Variants in ERC2 observed in about 807,000 individuals in gnomAD.
ERC2 encodes ERC protein 2.
Under a neutral mutation model 114.8 loss-of-function variants are expected in ERC2, and 42 were observed. That is an observed-to-expected ratio of 0.37 (90% CI 0.29 to 0.47). The LOEUF is 0.47. Ranked by LOEUF, ERC2 falls within the 20% of genes least tolerant of loss-of-function variation. The pLI, the probability that ERC2 is intolerant of heterozygous loss-of-function variation, is 0.99. For synonymous variants in ERC2, 454 were observed against 425.5 expected, an observed-to-expected ratio of 1.07 and a Z score of -0.82; for missense variants, 939 against 1,150.7, an observed-to-expected ratio of 0.82 and a Z score of 2.66.
chr3:56,074,919 G>A (rs1311048313), intron 7 of ERC2, among the ~76,000 whole-genome samples: 3 of 152,130 alleles, frequency 2.0e-5, no homozygotes, highest in Non-Finnish European at 4.4e-5. Flanking sequence ...TTGAGAATTT[G>A]CTGAGCTCAT....
intron 17 of ERC2, chr3:55,613,069 A>G (rs1164164018): frequency 2.0e-5 from 3 of 152,258 alleles, no homozygotes; most frequent in Non-Finnish European, 4.4e-5. Context: ...ATGAAAGTGC[A>G]TGTCTAGAAA....
chr3:56,455,193 T>C (rs1319535978), intron 1 of ERC2, among the ~76,000 whole-genome samples: 4 of 151,782 alleles, frequency 2.6e-5, no homozygotes, highest in Non-Finnish European at 5.9e-5. Context: ...GTTACAATGG[T>C]AAATTTTATG....
At chr3:55,882,119 T>C (rs2063144415) in intron 14 of ERC2, among the ~76,000 whole-genome samples, 1 of 152,188 alleles carries the variant, frequency 6.6e-6, no homozygotes, top group South Asian at 2.1e-4. Flanking sequence ...TTGAATAGAT[T>C]AATGCCCTCT....
chr3:55,900,297 A>G (rs1295204002), intron 13 of ERC2, among the ~76,000 whole-genome samples: 2 of 152,134 alleles, frequency 1.3e-5, no homozygotes, highest in African/African-American at 4.8e-5. Context: ...TTTGTTTAGT[A>G]TTGTCCGATT....
At chr3:55,768,215 T>A (rs1406347907) in intron 14 of ERC2, among the ~76,000 whole-genome samples, 1 of 152,254 alleles carries the variant, frequency 6.6e-6, no homozygotes, top group Admixed American at 6.5e-5. Flanking sequence ...TTTAGGTATT[T>A]GTTTATAGCA....
At chr3:55,969,436 C>CACACACACACA (rs1466816308) in intron 12 of ERC2, among the ~76,000 whole-genome samples, 1 of 144,004 alleles carries the variant, frequency 6.9e-6, no homozygotes. Flanking sequence ...CACACACACA[C>CACACACACACA]CCTTCACCAC....
chr3:55,875,724 A>ACACACTCTCTCT (rs1491351730), intron 14 of ERC2, among the ~76,000 whole-genome samples: 1 of 141,024 alleles, frequency 7.1e-6, no homozygotes, highest in African/African-American at 2.8e-5. Flanking sequence ...ACACACACAC[A>ACACACTCTCTCT]CTCTCTCTCT....
At chr3:55,749,772 G>A (rs2066555028) in intron 14 of ERC2, among the ~76,000 whole-genome samples, 3 of 152,130 alleles carry the variant, frequency 2.0e-5, no homozygotes, top group Non-Finnish European at 2.9e-5. Flanking sequence ...CCCCTTCCAC[G>A]CTGTGGAAGC....
chr3:55,747,133 T>A (rs1053901428), intron 14 of ERC2, among the ~76,000 whole-genome samples: 2 of 152,238 alleles, frequency 1.3e-5, no homozygotes, highest in East Asian at 3.9e-4. Flanking sequence ...GGGAGAGAGA[T>A]CCATGATTCA....
At chr3:56,351,011 T>G (rs1033933696) in intron 2 of ERC2, among the ~76,000 whole-genome samples, 4 of 152,166 alleles carry the variant, frequency 2.6e-5, no homozygotes, top group Non-Finnish European at 5.9e-5. Flanking sequence ...TAGCCAGAAT[T>G]GAACTTCAGG....
intron 17 of ERC2, among the ~76,000 whole-genome samples, chr3:55,597,039 A>G (rs2058171275): frequency 1.3e-5 from 2 of 152,230 alleles, no homozygotes; most frequent in South Asian, 4.1e-4. Context: ...TTTATAAAAA[A>G]ATTGAACATG....
intron 1 of ERC2, among the ~76,000 whole-genome samples, chr3:56,449,213 C>T (rs987835952): frequency 6.6e-6 from 1 of 152,120 alleles, no homozygotes; most frequent in Non-Finnish European, 1.5e-5. Context: ...TGGCTTACCC[C>T]CAAGAAGATG....
At chr3:56,155,421 T>C (rs2149971825) in intron 4 of ERC2, among the ~76,000 whole-genome samples, 2 of 151,560 alleles carry the variant, frequency 1.3e-5, no homozygotes, top group South Asian at 4.2e-4. Flanking sequence ...TTTGATATCA[T>C]GTATTGAGAA....
chr3:55,680,121 C>T (rs1397283805), intron 17 of ERC2, among the ~76,000 whole-genome samples: 1 of 152,208 alleles, frequency 6.6e-6, no homozygotes, highest in African/African-American at 2.4e-5. Context: ...CAGACAGCTA[C>T]AATTCTTCAT....
chr3:56,324,742 G>A (rs2057282048), intron 2 of ERC2, among the ~76,000 whole-genome samples: 1 of 152,080 alleles, frequency 6.6e-6, no homozygotes, highest in Non-Finnish European at 1.5e-5. Flanking sequence ...CCTGCAGGAA[G>A]GGTAAAATTA....
In ERC2 at chr3:56,149,131, T is replaced by C; in HGVS notation, c.1151A>G (p.Asp384Gly). The change falls in exon 5 of 18, where the codon GAC (aspartate) becomes GGC (glycine). Residue 384 changes from aspartate to glycine, a missense_variant and splice_region_variant. By Grantham distance (94) the Asp-to-Gly change is moderately conservative. This residue lies in a region of ERC2 where 148 missense variants were observed against 159.1 expected (regional missense o/e 0.93). Transcript: ENST00000288221. ...KALQTVIEMK[D>G]TKIASLERNI... is the part of the protein sequence containing the mutation. Reference sequence around the variant, plus strand: ...TCGTTCCAATGAAGCGATTTTTGTGTCCTGTTGGTAAAGAAGAAAAGAAAA... The same window carrying C: ...TCGTTCCAATGAAGCGATTTTTGTGCCCTGTTGGTAAAGAAGAAAAGAAAA... 6.3e-7 allele frequency: 1 copy of C among 1,599,296 alleles called. No homozygotes were observed. Among genetic ancestry groups the C allele is most frequent in the Non-Finnish European group, 8.5e-7 (1 of 1,174,346 alleles).
At chr3:55,995,568 C>T (rs1441763786) in intron 10 of ERC2, among the ~76,000 whole-genome samples, 3 of 152,010 alleles carry the variant, frequency 2.0e-5, no homozygotes, top group East Asian at 1.9e-4. Context: ...ACAGGGAAAC[C>T]GCTGCTTCTT....
chr3:56,312,963 A>G (rs1228541402), intron 2 of ERC2, among the ~76,000 whole-genome samples: 1 of 136,166 alleles, frequency 7.3e-6, no homozygotes, highest in Non-Finnish European at 1.6e-5. Context: ...TATCCACACA[A>G]TGCCTATGGT....
intron 1 of ERC2, among the ~76,000 whole-genome samples, chr3:56,459,962 A>T (rs2063236711): frequency 6.6e-6 from 1 of 152,248 alleles, no homozygotes; most frequent in Non-Finnish European, 1.5e-5. Context: ...AATCTGGAAG[A>T]TGTAAGTGGA....
Sources: gnomAD v4.1 joint callset for allele counts (sites outside exome capture counted in the v4.1 genomes callset) on GRCh38, gnomAD v4.1.1 for gene constraint, gnomAD v4.1.1 regional missense constraint, MANE v1.5 for transcripts, NCBI Gene and HGNC (gene_info 2026-07-23, HGNC 2026-07-21) for gene names.